Variants in MDGA2 observed in about 807,000 individuals in gnomAD.
The protein encoded by MDGA2 is MAM domain containing glycosylphosphatidylinositol anchor 2, also known as MAM domain-containing glycosylphosphatidylinositol anchor protein 2.
In MDGA2, 40 loss-of-function variants were observed where a neutral mutation model predicts 117.8. The observed-to-expected ratio is 0.34, with a 90% CI of 0.26 to 0.44. The LOEUF (loss-of-function observed/expected upper bound fraction) is 0.44, where lower values mean the gene tolerates loss of function less well. Among genes scored for constraint, MDGA2 ranks in the 20% least tolerant of loss-of-function variants. MDGA2 has a pLI of 1.00. For synonymous variants in MDGA2, 452 were observed against 439.0 expected, an observed-to-expected ratio of 1.03 and a Z score of -0.37; for missense variants, 1,123 against 1,250.6, an observed-to-expected ratio of 0.90 and a Z score of 1.54.
At chr14:47,019,358 T>C (rs923943553) in intron 8 of MDGA2, among the ~76,000 whole-genome samples, 9 of 152,186 alleles carry the variant, frequency 5.9e-5, no homozygotes, top group African/African-American at 2.2e-4. Context: ...GATGTTCTTT[T>C]GTAATCTGGC....
rs2138254806 is a variant in MDGA2 at position 46,840,659 on chromosome 14, G to GAGTT, written c.*1268_*1271dup. 6.5e-6 allele frequency: 1 copy of GAGTT among 152,698 alleles called. No individual in the cohort carries two copies. Among genetic ancestry groups the GAGTT allele is most frequent in the South Asian group, 2.1e-4 (1 of 4,826 alleles). 9.5% of individuals were successfully genotyped at this position (152,698 alleles called of 1,614,324 possible). The stretch of plus-strand genomic sequence containing the variant: ...ATTTTTCAGGCCCAGTTCCACTGTA[G>GAGTT]AGTTAGTATGCACTGCAATCCCAAA... On this transcript the variant is annotated 3_prime_UTR_variant, in exon 17 of 17. Transcript: ENST00000399232.
rs1325744154 is a variant in MDGA2, at chr14:46,965,124, C to T, written c.1820-7481G>A. Among the ~76,000 whole-genome samples the T allele has an allele frequency of 1.6e-5, 2 of 127,274 alleles. 1 individual carries two copies. Among genetic ancestry groups the T allele is most frequent in the East Asian group, 4.6e-4 (2 of 4,370 alleles). 83.5% of individuals were successfully genotyped at this position (127,274 alleles called of 152,430 possible). A position where few individuals can be genotyped will look rare whatever the true frequency, so the allele number is the denominator to read the frequency against. On this transcript the variant is annotated intron_variant, in intron 8 of 16. Coordinates refer to ENST00000399232, the MANE Select transcript of MDGA2 (RefSeq NM_001113498.3). ...ATTTTTAGTAGAGACGGGGTTTCACCGTGTTAGCCAGGATGGTCTCGATCT... is the reference window on the plus strand; with the variant it reads ...ATTTTTAGTAGAGACGGGGTTTCACTGTGTTAGCCAGGATGGTCTCGATCT...
At chr14:46,950,692 T>A (rs1049380070) in intron 9 of MDGA2, among the ~76,000 whole-genome samples, 6 of 151,966 alleles carry the variant, frequency 3.9e-5, no homozygotes, top group African/African-American at 1.4e-4. Context: ...ATTTTCAAAG[T>A]ATGTTTAGAC....
chr14:47,265,941 C>A (rs898648854), intron 2 of MDGA2, among the ~76,000 whole-genome samples: 11 of 152,090 alleles, frequency 7.2e-5, no homozygotes, highest in African/African-American at 2.7e-4. Context: ...TCTCTGGCCT[C>A]CACAAATCTT....
intron 1 of MDGA2, among the ~76,000 whole-genome samples, chr14:47,586,034 T>C (rs1896318899): frequency 6.6e-6 from 1 of 151,932 alleles, no homozygotes; most frequent in South Asian, 2.1e-4. Flanking sequence ...TTCTGGAGGC[T>C]GATGTCTGTT....
intron 8 of MDGA2, among the ~76,000 whole-genome samples, chr14:47,011,650 C>CA (rs1281443233): frequency 6.6e-6 from 1 of 151,934 alleles, no homozygotes; most frequent in African/African-American, 2.4e-5. Flanking sequence ...GACATGTTGA[C>CA]AAAAAATGAC....
At chr14:47,163,881 T>A (rs182514351) in intron 3 of MDGA2, among the ~76,000 whole-genome samples, 2 of 152,176 alleles carry the variant, frequency 1.3e-5, no homozygotes, top group Non-Finnish European at 2.9e-5. Flanking sequence ...GAATTTAATA[T>A]GAGCACAACA....
intron 5 of MDGA2, 124 bp downstream of exon 5, chr14:47,131,590 G>T: frequency 1.5e-6 from 1 of 647,368 alleles, no homozygotes; most frequent in Non-Finnish European, 2.4e-6. Context: ...AGGATTTTCT[G>T]GGAATAAAGG....
intron 6 of MDGA2, among the ~76,000 whole-genome samples, chr14:47,083,659 C>G (rs1215100800): frequency 6.6e-6 from 1 of 152,108 alleles, no homozygotes; most frequent in African/African-American, 2.4e-5. Context: ...ATTTAAAAAA[C>G]AGGACTCACC....
chr14:46,890,506 C>T (rs1256557292), intron 10 of MDGA2, among the ~76,000 whole-genome samples: 1 of 152,100 alleles, frequency 6.6e-6, no homozygotes, highest in Non-Finnish European at 1.5e-5. Flanking sequence ...CTTTTAGCAT[C>T]AGTTACTGAT....
At position 47,674,661 on chromosome 14, in the gene MDGA2, A is replaced by G; in HGVS notation, c.136T>C (p.Trp46Arg). ...GLARARVERA[W>R]LAAGLLKVPL... is the part of the protein sequence containing the mutation. ...ACCTTCAGGAGGCCGGCGGCCAGCC[A>G]GGCGCGCTCCACTCGCGCCCGGGCC... Residue 46 changes from tryptophan (W) to arginine (R), a missense_variant, in exon 1 of 17, where the codon TGG becomes CGG. Physicochemically the swap from Trp to Arg is moderately radical, Grantham distance 101 (BLOSUM62 -3). This residue lies in a region of MDGA2 where 233 missense variants were observed against 200.3 expected (regional missense o/e 1.16). Coordinates refer to ENST00000399232, the MANE Select transcript of MDGA2 (RefSeq NM_001113498.3). The G allele has an allele frequency of 7.0e-7, 1 of 1,436,518 alleles. No individual in the cohort carries two copies. Among genetic ancestry groups the G allele is most frequent in the Non-Finnish European group, 9.6e-7 (1 of 1,043,028 alleles). 89.0% of individuals were successfully genotyped at this position (1,436,518 alleles called of 1,614,324 possible). A position where few individuals can be genotyped will look rare whatever the true frequency, so the allele number is the denominator to read the frequency against.
intron 1 of MDGA2, among the ~76,000 whole-genome samples, chr14:47,395,127 C>T (rs1891979958): frequency 6.6e-6 from 1 of 152,096 alleles, no homozygotes; most frequent in South Asian, 2.1e-4. Context: ...TTCATTCCAT[C>T]CCAGGTGACA....
intron 5 of MDGA2, among the ~76,000 whole-genome samples, chr14:47,100,093 T>C (rs1056996865): frequency 1.3e-5 from 2 of 152,054 alleles, no homozygotes; most frequent in Admixed American, 1.3e-4. Flanking sequence ...TCCTATACCA[T>C]ATATATAAAA....
chr14:47,588,624 G>C (rs1292017208), intron 1 of MDGA2, among the ~76,000 whole-genome samples: 1 of 151,674 alleles, frequency 6.6e-6, no homozygotes, highest in Non-Finnish European at 1.5e-5. Flanking sequence ...TTTTCTACAT[G>C]TGAGTCCCTC....
chr14:47,453,226 A>G (rs1439279965), intron 1 of MDGA2, among the ~76,000 whole-genome samples: 1 of 152,052 alleles, frequency 6.6e-6, no homozygotes. Context: ...TGATCAACTG[A>G]TGATTAGGCC....
At chr14:47,227,218 A>C (rs913966772) in intron 2 of MDGA2, among the ~76,000 whole-genome samples, 9 of 151,962 alleles carry the variant, frequency 5.9e-5, no homozygotes, top group Non-Finnish European at 8.8e-5. Flanking sequence ...CTAGGGATTC[A>C]GAGTTACTTG....
intron 8 of MDGA2, among the ~76,000 whole-genome samples, chr14:46,992,421 T>A (rs1000657036): frequency 6.6e-6 from 1 of 152,124 alleles, no homozygotes; most frequent in Non-Finnish European, 1.5e-5. Context: ...AATTTTTTTT[T>A]AAATCTCAGT....
intron 2 of MDGA2, 44 bp from the exon 3 acceptor site, chr14:47,218,239 C>A: frequency 7.0e-7 from 1 of 1,434,302 alleles, no homozygotes; most frequent in Non-Finnish European, 9.3e-7. Flanking sequence ...GTTGGTTTTC[C>A]CACAGAGAAA....
chr14:47,076,241 A>C (rs1890486406), intron 6 of MDGA2, among the ~76,000 whole-genome samples: 1 of 152,134 alleles, frequency 6.6e-6, no homozygotes, highest in Non-Finnish European at 1.5e-5. Context: ...CTTTCCAAAA[A>C]ACATGCAGAG....
Sources: gnomAD v4.1 joint callset for allele counts (sites outside exome capture counted in the v4.1 genomes callset) on GRCh38, gnomAD v4.1.1 for gene constraint, gnomAD v4.1.1 regional missense constraint, MANE v1.5 for transcripts, NCBI Gene and HGNC (gene_info 2026-07-23, HGNC 2026-07-21) for gene names.